The following DPH6 variants were observed in gnomAD, a reference collection of about 807,000 sequenced individuals.
DPH6 encodes diphthamine biosynthesis 6, also known as diphthine--ammonia ligase.
In DPH6, 33 loss-of-function variants were observed where a neutral mutation model predicts 38.2. The ratio of observed to expected loss-of-function variants is 0.86; its 90% confidence interval spans 0.65 to 1.15. DPH6 has a LOEUF of 1.15. DPH6 is among the 50% of genes most tolerant of loss of function. The probability of loss-of-function intolerance (pLI) is 0.00; values close to 1 mark genes in which losing one functional copy is unlikely to be tolerated. For synonymous variants in DPH6, 108 were observed against 103.0 expected (o/e 1.05, Z -0.30); for missense variants, 325 against 320.0 (o/e 1.02, Z -0.12).
chr15:35,248,616 T>C (rs2051651348), intron 3 of DPH6, among the ~76,000 whole-genome samples: 1 of 152,222 alleles, frequency 6.6e-6, no homozygotes, highest in Non-Finnish European at 1.5e-5. Flanking sequence ...CCTCTATCTA[T>C]GGGTCACTCA....
chr15:35,538,466 C>G lies in DPH6; in HGVS notation c.120G>C (p.Val40=), dbSNP rs776010563. ...TGTAGCTATCCAGTTCATCAGACCC[C>G]ACTGCAACAATTAAAATGGAAATAA... ...LANLRPAENQ[V]GSDELDSYMY... The change falls in exon 3 of 9, where the codon GTG becomes GTC. Residue 40 remains valine (V), a splice_region_variant and synonymous_variant. Transcript: ENST00000256538. The G allele has an allele frequency of 2.6e-6, 4 of 1,511,844 alleles. No individual in the cohort carries two copies. The highest frequency in any genetic ancestry group is 2.7e-5 in the African/African-American group (2 of 72,844). The allele number at this position is 1,511,844 out of a possible 1,614,324, so 93.7% of individuals were successfully genotyped here. A position where few individuals can be genotyped will look rare whatever the true frequency, so the allele number is the denominator to read the frequency against.
intron 3 of DPH6, among the ~76,000 whole-genome samples, chr15:35,532,093 C>G (rs1250009177): frequency 6.6e-6 from 1 of 152,104 alleles, no homozygotes; most frequent in African/African-American, 2.4e-5. Context: ...AAGAAAAGCA[C>G]AGCCGAAGAC....
chr15:35,356,088 T>C (rs1441148949), intron 3 of DPH6, among the ~76,000 whole-genome samples: 2 of 152,210 alleles, frequency 1.3e-5, no homozygotes, highest in Non-Finnish European at 1.5e-5. Flanking sequence ...GTATTGAAGC[T>C]TGTGTATTCG....
rs150416999 is a variant in DPH6 at position 35,540,457 on chromosome 15, A to T, written c.118+1956T>A. On this transcript the variant is annotated intron_variant, in intron 2 of 8. Coordinates refer to ENST00000256538, the MANE Select transcript of DPH6 (RefSeq NM_080650.4). ...TCCTCACTAAGGTTTCTTTCATAAC[A>T]CTCATAGGAAAATAAGTCATTCAGT... 6.5e-4 allele frequency among the ~76,000 whole-genome samples: 99 copies of T among 152,154 alleles called. No individual in the cohort carries two copies. In the East Asian group the frequency reaches 0.014, roughly 21 times the overall value.
chr15:35,171,294 C>A, the DPH6 span, among the ~76,000 whole-genome samples: 2 of 152,228 alleles, frequency 1.3e-5, no homozygotes, highest in Non-Finnish European at 2.9e-5. Context: ...CAGGATACGA[C>A]CTGTGCCACT....
intron 3 of DPH6, among the ~76,000 whole-genome samples, chr15:35,363,953 T>C (rs1334325867): frequency 6.6e-6 from 1 of 152,060 alleles, no homozygotes; most frequent in Non-Finnish European, 1.5e-5. Context: ...CTGCTTTTTA[T>C]TTAATTCTAT....
intron 3 of DPH6, among the ~76,000 whole-genome samples, chr15:35,285,872 G>GGTTTTTTTTTTTTTTT (rs1555391167): frequency 9.5e-5 from 5 of 52,794 alleles, no homozygotes; most frequent in African/African-American, 3.7e-4. Context: ...TTATCTTTGA[G>GGTTTTTTTTTTTTTTT]TTTTTTTTTT....
intron 2 of DPH6, among the ~76,000 whole-genome samples, chr15:35,539,955 C>T (rs2055227980): frequency 1.3e-5 from 2 of 152,012 alleles, no homozygotes; most frequent in Non-Finnish European, 2.9e-5. Flanking sequence ...GAGAACATAG[C>T]CAAAGTTACC....
intron 3 of DPH6, among the ~76,000 whole-genome samples, chr15:35,244,859 A>G (rs964314862): frequency 1.4e-4 from 21 of 152,212 alleles, no homozygotes; most frequent in African/African-American, 5.1e-4. Context: ...TGGTAAGTCA[A>G]TTAAACTTTT....
At chr15:35,155,317 C>T in the DPH6 span, among the ~76,000 whole-genome samples, 12 of 152,156 alleles carry the variant, frequency 7.9e-5, no homozygotes, top group Non-Finnish European at 7.3e-5. Context: ...GTGTGTAGGA[C>T]GGTTTTTGAA....
intron 3 of DPH6, among the ~76,000 whole-genome samples, chr15:35,347,164 T>C (rs565937464): frequency 6.6e-6 from 1 of 152,278 alleles, no homozygotes; most frequent in South Asian, 2.1e-4. Context: ...ACACAGCCCC[T>C]GACAAACACT....
chr15:35,544,236 A>C (rs1042347242), intron 1 of DPH6, among the ~76,000 whole-genome samples: 2 of 152,132 alleles, frequency 1.3e-5, no homozygotes, highest in Non-Finnish European at 1.5e-5. Context: ...TGCCTGGATA[A>C]TCCTCAAAAT....
chr15:35,337,671 G>A (rs1195924665), intron 3 of DPH6, among the ~76,000 whole-genome samples: 5 of 152,180 alleles, frequency 3.3e-5, no homozygotes, highest in African/African-American at 1.2e-4. Flanking sequence ...CACAGAATTG[G>A]AAAAAACTAC....
rs187240382 is a variant in DPH6 at position 35,454,725 on chromosome 15, T to A, written c.386+22A>T. 42 of 1,581,856 alleles carry A rather than the reference T, an allele frequency of 2.7e-5. No homozygotes were observed. The East Asian group carries it at 9.2e-4, about 35-fold the overall frequency. The stretch of plus-strand genomic sequence containing the variant: ...CTTAAAACACATACACTTTTAAAAC[T>A]AACAAATTAATGTTTTCTTACACAT... On this transcript the variant is annotated intron_variant, in intron 4 of 8. Coordinates refer to ENST00000256538, the MANE Select transcript of DPH6 (RefSeq NM_080650.4).
At chr15:35,237,242 T>G in intron 3 of DPH6, 1 of 1,225,194 alleles carries the variant, frequency 8.2e-7, no homozygotes, top group South Asian at 1.2e-5. Flanking sequence ...GCGGAGCTGG[T>G]TGAGCCTTGA....
At chr15:35,407,380 T>C (rs979395833) in intron 6 of DPH6, among the ~76,000 whole-genome samples, 4 of 151,986 alleles carry the variant, frequency 2.6e-5, no homozygotes, top group African/African-American at 7.2e-5. Context: ...GTGTTCACCA[T>C]AGCATCTGTC....
intron 5 of DPH6, among the ~76,000 whole-genome samples, chr15:35,440,973 A>C (rs1162846052): frequency 6.6e-6 from 1 of 152,142 alleles, no homozygotes; most frequent in Non-Finnish European, 1.5e-5. Context: ...AAAACAAACA[A>C]CCCAATCAAA....
intron 3 of DPH6, among the ~76,000 whole-genome samples, chr15:35,232,409 G>A (rs926104076): frequency 4.6e-5 from 7 of 152,168 alleles, no homozygotes; most frequent in African/African-American, 1.4e-4. Context: ...GTGAAACCCT[G>A]TCTCCACTAA....
intron 5 of DPH6, among the ~76,000 whole-genome samples, chr15:35,440,509 C>T (rs895703392): frequency 6.6e-6 from 1 of 152,246 alleles, no homozygotes. Flanking sequence ...AAATAGGCCT[C>T]TGAGGGAGAT....
Sources: gnomAD v4.1 joint callset for allele counts (sites outside exome capture counted in the v4.1 genomes callset) on GRCh38, gnomAD v4.1.1 for gene constraint, MANE v1.5 for transcripts, NCBI Gene and HGNC (gene_info 2026-07-23, HGNC 2026-07-21) for gene names.